AHCTF1: variants seen among roughly 807,000 people sequenced by gnomAD.
AHCTF1 encodes protein ELYS.
A neutral mutation model predicts 248.4 loss-of-function variants in AHCTF1; 24 were observed. The ratio of observed to expected loss-of-function variants is 0.10; its 90% CI spans 0.07 to 0.14. AHCTF1 has a LOEUF of 0.14. AHCTF1 is among the 10% of genes least tolerant of loss of function. The pLI, the probability that AHCTF1 is intolerant of heterozygous loss-of-function variation, is 1.00. For missense variants in AHCTF1, 2,206 were observed against 2,636.2 expected, an observed-to-expected ratio of 0.84 and a Z score of 3.57; for synonymous variants, 786 against 929.8, an observed-to-expected ratio of 0.85 and a Z score of 2.81.
rs745817083 is a variant in AHCTF1, at chr1:246,853,190, T to G, written c.4464A>C (p.Glu1488Asp). Residue 1488 changes from glutamate to aspartate, a missense_variant, in exon 32 of 36, where the codon GAA (glutamate) becomes GAC (aspartate). This residue lies in a region of AHCTF1 where 955 missense variants were observed against 1,055.6 expected (regional missense o/e 0.90). Coordinates refer to ENST00000648844, the MANE Select transcript of AHCTF1 (RefSeq NM_001323342.2). ...GTACACCAACTTCTACTTCATGATCTTCTTTTAAGTTCAGCGCTACTTCCT... is the reference window on the plus strand; with the variant it reads ...GTACACCAACTTCTACTTCATGATCGTCTTTTAAGTTCAGCGCTACTTCCT... Reference protein sequence around the residue: ...LNQEVALNLKEDHEVEVGVLK... With the variant: ...LNQEVALNLKDDHEVEVGVLK... The G allele has an allele frequency of 1.9e-6, 3 of 1,613,118 alleles. No individual in the cohort carries two copies. In the African/African-American group the frequency reaches 4.0e-5, roughly 22 times the overall value.
intron 32 of AHCTF1, among the ~76,000 whole-genome samples, chr1:246,852,418 G>GT (rs1404557185): frequency 1.5e-5 from 2 of 134,916 alleles, no homozygotes; most frequent in African/African-American, 2.6e-5. Context: ...AGAAGAGTTG[G>GT]TTTTTTATCT....
Position 246,892,998 on chromosome 1 carries a change from G to T in AHCTF1, c.1805-1079C>A, listed in dbSNP as rs1664325863. Among the ~76,000 whole-genome samples the T allele has an allele frequency of 2.0e-5, 3 of 151,956 alleles. No individual in the cohort carries two copies. The South Asian group carries it at 6.2e-4, about 32-fold the overall frequency. On this transcript the variant is annotated intron_variant, in intron 14 of 35. Coordinates refer to ENST00000648844, the MANE Select transcript of AHCTF1 (RefSeq NM_001323342.2). ...CTTTGTATGTTAATTATTCTTAGAG[G>T]TTTTTATTTTTATTTTTTAAAAAAC...
At chr1:246,895,344 T>C (rs1381161355) in intron 13 of AHCTF1, among the ~76,000 whole-genome samples, 5 of 152,192 alleles carry the variant, frequency 3.3e-5, no homozygotes, top group African/African-American at 1.2e-4. Context: ...GCATGATGGC[T>C]TATCATCAAA....
chr1:246,907,422 ATCAT>A, intron 5 of AHCTF1, 125 bp downstream of exon 5: 3 of 781,018 alleles, frequency 3.8e-6, no homozygotes, highest in Non-Finnish European at 6.0e-6. Flanking sequence ...AGTCATCTCA[ATCAT>A]TCATTCAATC....
intron 2 of AHCTF1, 89 bp downstream of exon 2, chr1:246,918,161 T>C: frequency 8.2e-7 from 1 of 1,219,904 alleles, no homozygotes; most frequent in Non-Finnish European, 1.1e-6. Flanking sequence ...CTTTTTCTTC[T>C]TCCACATAAA....
In AHCTF1 at chr1:246,922,553, CCTGG is replaced by C. The variant is rs375615157; in HGVS notation, c.-7-4180_-7-4177del. 4.6e-3 allele frequency among the ~76,000 whole-genome samples: 704 copies of C among 151,584 alleles called. 2 individuals are homozygous for C. The highest frequency in any genetic ancestry group is 0.014 in the Middle Eastern group (4 of 294). On this transcript the variant is annotated intron_variant, in intron 1 of 35. Coordinates refer to ENST00000648844, the MANE Select transcript of AHCTF1 (RefSeq NM_001323342.2). ...CAATCTCTCGTCTCGTGCCACCATGCCTGGCTAATTTTTTTTTTTTAGTAGAAAT... is the reference window on the plus strand; with the variant it reads ...CAATCTCTCGTCTCGTGCCACCATGCCTAATTTTTTTTTTTTAGTAGAAAT...
chr1:246,898,235 A>G lies in AHCTF1; in HGVS notation c.1596T>C (p.Val532=). 1 of 1,612,320 alleles carries G rather than the reference A, an allele frequency of 6.2e-7. No individual in the cohort carries two copies. Among genetic ancestry groups the G allele is most frequent in the South Asian group, 1.1e-5 (1 of 91,002 alleles). Residue 532 remains valine (V), a synonymous_variant, in exon 12 of 36, where the codon GTT becomes GTC. Coordinates refer to ENST00000648844, the MANE Select transcript of AHCTF1 (RefSeq NM_001323342.2). ...GGCTTAAACTGGAAGGCTGAACATCAACAAATCTTGGGGAAAGAAGGCCAG... is the reference window on the plus strand; with the variant it reads ...GGCTTAAACTGGAAGGCTGAACATCGACAAATCTTGGGGAAAGAAGGCCAG... The part of the protein sequence containing the change: ...LVAGLLSPRF[V]DVQPSSLSQE...
chr1:246,865,685 G>C (rs1482121050), intron 26 of AHCTF1, among the ~76,000 whole-genome samples: 1 of 152,146 alleles, frequency 6.6e-6, no homozygotes, highest in Admixed American at 6.6e-5. Context: ...TCAAAAGCAA[G>C]GACTGTGCAA....
rs149437187 is a variant in AHCTF1 at position 246,863,293 on chromosome 1, A to G, written c.3540+631T>C. On this transcript the variant is annotated intron_variant, in intron 27 of 35. Transcript: ENST00000648844. ...TATCCAAACAGAGAACCCAGGGACA[A>G]TGGGGAGGGGTGAGGGAGAAATAAA... Among the ~76,000 whole-genome samples, 22 of 151,952 alleles carry G rather than the reference A, an allele frequency of 1.4e-4. No individual in the cohort carries two copies. In the East Asian group the frequency reaches 3.9e-3, roughly 27 times the overall value.
At chr1:246,893,512 A>G (rs1664360116) in intron 14 of AHCTF1, among the ~76,000 whole-genome samples, 1 of 152,170 alleles carries the variant, frequency 6.6e-6, no homozygotes, top group African/African-American at 2.4e-5. Flanking sequence ...TATCCCTACT[A>G]GTACTTTTTA....
chr1:246,873,105 T>A (rs1188070934), intron 24 of AHCTF1, among the ~76,000 whole-genome samples: 2 of 152,180 alleles, frequency 1.3e-5, no homozygotes, highest in Non-Finnish European at 2.9e-5. Flanking sequence ...GACTTATTCC[T>A]ATAAGCCAGT....
chr1:246,846,880 T>C (rs1479717829), intron 33 of AHCTF1, among the ~76,000 whole-genome samples: 1 of 151,936 alleles, frequency 6.6e-6, no homozygotes, highest in Non-Finnish European at 1.5e-5. Flanking sequence ...GCCTCCCAAG[T>C]AGCTGGGACT....
intron 24 of AHCTF1, among the ~76,000 whole-genome samples, chr1:246,874,826 A>C (rs188468889): frequency 6.6e-6 from 1 of 152,274 alleles, no homozygotes; most frequent in East Asian, 1.9e-4. Context: ...AGTTACAAAA[A>C]AACCTGACCT....
In AHCTF1 at chr1:246,853,137, T is replaced by A. The variant is rs1455703774; in HGVS notation, c.4517A>T (p.Glu1506Val). ...VLKESVDLPE[E>V]KLPISDSPPD... ...AGGGCTGTCAGAAATTGGAAGCTTTTCTTCTGGTAAGTCAACACTTTCTTT... is the reference window on the plus strand; with the variant it reads ...AGGGCTGTCAGAAATTGGAAGCTTTACTTCTGGTAAGTCAACACTTTCTTT... Residue 1506 changes from glutamate to valine, a missense_variant, in exon 32 of 36, where the codon GAA becomes GTA. Glu to Val is a moderately radical substitution (Grantham distance 121). Around this residue, in one of 6 missense-constraint regions of AHCTF1, gnomAD observed 955 missense variants for 1,055.6 expected, o/e 0.90. Transcript: ENST00000648844. The A allele has an allele frequency of 6.2e-7, 1 of 1,610,832 alleles. No homozygotes were observed. The highest frequency in any genetic ancestry group is 1.7e-5 in the Admixed American group (1 of 59,440).
chr1:246,927,874 G>A (rs909902054), intron 1 of AHCTF1, among the ~76,000 whole-genome samples: 4 of 148,464 alleles, frequency 2.7e-5, no homozygotes, highest in Non-Finnish European at 4.5e-5. Flanking sequence ...GCGGTAGCGC[G>A]CTGTAGTCCC....
intron 1 of AHCTF1, among the ~76,000 whole-genome samples, chr1:246,923,414 AAAAT>A (rs545047099): frequency 2.0e-4 from 31 of 152,168 alleles, no homozygotes; most frequent in Non-Finnish European, 3.5e-4. Flanking sequence ...CTCTGTCCCA[AAAAT>A]AAATAAATAA....
At position 246,842,815 on chromosome 1, in the gene AHCTF1, C is replaced by T. The variant is rs771924254; in HGVS notation, c.6526-39G>A. 1.4e-5 allele frequency: 21 copies of T among 1,543,498 alleles called. 1 individual carries two copies. The highest frequency in any genetic ancestry group is 8.2e-5 in the African/African-American group (6 of 73,148). On this transcript the variant is annotated intron_variant, in intron 34 of 35. Coordinates refer to ENST00000648844, the MANE Select transcript of AHCTF1 (RefSeq NM_001323342.2). Reference sequence around the variant, plus strand: ...ATTTTAAAAGGTTAAGTATTAAACACGAATCCAATTTTAAAACTTCTATCC... The same window carrying T: ...ATTTTAAAAGGTTAAGTATTAAACATGAATCCAATTTTAAAACTTCTATCC...
chr1:246,880,781 T>C (rs950893353), intron 21 of AHCTF1, among the ~76,000 whole-genome samples: 5 of 152,204 alleles, frequency 3.3e-5, no homozygotes, highest in Non-Finnish European at 7.3e-5. Flanking sequence ...AAGAAATCCA[T>C]TGCCAACATT....
At position 246,900,035 on chromosome 1, in the gene AHCTF1, C is replaced by CT. The variant is rs774208924; in HGVS notation, c.1432+29dup. Reference sequence around the variant, plus strand: ...TTACATACTTTTGTGCATTACTTTTCTTAAGAGGTAATGTTAAGGAAATAC... The same window carrying CT: ...TTACATACTTTTGTGCATTACTTTTCTTTAAGAGGTAATGTTAAGGAAATAC... On this transcript the variant is annotated intron_variant, in intron 10 of 35. Coordinates refer to ENST00000648844, the MANE Select transcript of AHCTF1 (RefSeq NM_001323342.2). 5 of 1,567,632 alleles carry CT rather than the reference C, an allele frequency of 3.2e-6. No individual in the cohort carries two copies. The South Asian group carries it at 5.9e-5, about 18-fold the overall frequency.
Sources: gnomAD v4.1 joint callset for allele counts (sites outside exome capture counted in the v4.1 genomes callset) on GRCh38, gnomAD v4.1.1 for gene constraint, gnomAD v4.1.1 regional missense constraint, MANE v1.5 for transcripts, NCBI Gene and HGNC (gene_info 2026-07-23, HGNC 2026-07-21) for gene names.